CDH18: variants seen among roughly 807,000 people sequenced by gnomAD.
The protein encoded by CDH18 is cadherin 18, also known as cadherin-18.
Under a neutral mutation model 67.9 loss-of-function variants are expected in CDH18, and 31 were observed. That is an observed-to-expected ratio of 0.46 (90% CI 0.34 to 0.62). The LOEUF (loss-of-function observed/expected upper bound fraction) is 0.62, where lower values mean the gene tolerates loss of function less well. CDH18 is among the 20% of genes least tolerant of loss of function. CDH18 has a pLI of 0.01. For missense variants in CDH18, 890 were observed against 975.5 expected, an observed-to-expected ratio of 0.91 and a Z score of 1.17; for synonymous variants, 362 against 347.2, an observed-to-expected ratio of 1.04 and a Z score of -0.48.
At chr5:19,933,913 A>G (rs1372963275) in intron 2 of CDH18, among the ~76,000 whole-genome samples, 1 of 151,422 alleles carries the variant, frequency 6.6e-6, no homozygotes, top group Non-Finnish European at 1.5e-5. Context: ...TGACTTGCCA[A>G]TTTTATCTCT....
At chr5:20,265,019 T>C (rs774275501) in intron 1 of CDH18, among the ~76,000 whole-genome samples, 29 of 152,164 alleles carry the variant, frequency 1.9e-4, no homozygotes, top group Non-Finnish European at 3.5e-4. Flanking sequence ...ACGAGTGAGA[T>C]AACCTGAAGA....
intron 2 of CDH18, among the ~76,000 whole-genome samples, chr5:20,253,929 C>A (rs535214283): frequency 6.6e-6 from 1 of 152,062 alleles, no homozygotes; most frequent in South Asian, 2.1e-4. Flanking sequence ...ATGAAAATTC[C>A]CAGGGCACAT....
At chr5:20,202,910 A>C (rs1257834964) in intron 2 of CDH18, among the ~76,000 whole-genome samples, 1 of 152,140 alleles carries the variant, frequency 6.6e-6, no homozygotes, top group East Asian at 1.9e-4. Flanking sequence ...TCCCATTCAG[A>C]AGAAAACAAA....
chr5:19,753,894 A>G (rs1335459264), intron 3 of CDH18, among the ~76,000 whole-genome samples: 1 of 152,174 alleles, frequency 6.6e-6, no homozygotes, highest in Non-Finnish European at 1.5e-5. Context: ...CATATATGAA[A>G]GAAAGATACA....
chr5:20,403,675 T>C (rs575656556), intron 1 of CDH18, among the ~76,000 whole-genome samples: 1 of 152,174 alleles, frequency 6.6e-6, no homozygotes, highest in Non-Finnish European at 1.5e-5. Context: ...GTTTCTGTCA[T>C]CCAGGCTTTG....
chr5:19,590,503 TAGATAGAC>T (rs1275060500), intron 7 of CDH18, among the ~76,000 whole-genome samples: 1 of 151,882 alleles, frequency 6.6e-6, no homozygotes, highest in East Asian at 1.9e-4. Flanking sequence ...GATAGATAGA[TAGATAGAC>T]AGACAGACAG....
At chr5:20,014,525 G>A (rs1302094888) in intron 2 of CDH18, among the ~76,000 whole-genome samples, 2 of 152,096 alleles carry the variant, frequency 1.3e-5, no homozygotes, top group African/African-American at 4.8e-5. Flanking sequence ...CTGGATCTAA[G>A]TTTTCAGCTG....
chr5:19,761,897 T>C (rs889584845), intron 3 of CDH18, among the ~76,000 whole-genome samples: 4 of 152,060 alleles, frequency 2.6e-5, no homozygotes, highest in East Asian at 1.9e-4. Context: ...AACAGAGATA[T>C]AGACCAATGG....
At chr5:19,820,617 C>T (rs1468812768) in intron 3 of CDH18, among the ~76,000 whole-genome samples, 1 of 152,204 alleles carries the variant, frequency 6.6e-6, no homozygotes, top group Non-Finnish European at 1.5e-5. Flanking sequence ...CAAGTAGCCC[C>T]TGTGAGAGAG....
chr5:19,917,026 T>C (rs78923288), intron 2 of CDH18, among the ~76,000 whole-genome samples: 2,610 of 152,268 alleles, frequency 0.017, 49 homozygotes, highest in Middle Eastern at 0.061. Flanking sequence ...GTCCTTAAAT[T>C]ACTTCGAAAA....
intron 8 of CDH18, among the ~76,000 whole-genome samples, chr5:19,559,915 C>CA (rs754748614): frequency 0.031 from 4,031 of 131,178 alleles, 171 homozygotes; most frequent in African/African-American, 0.089. Flanking sequence ...ATAATAGTTG[C>CA]AAAAACAAAC....
At chr5:19,916,737 G>C (rs1791839901) in intron 2 of CDH18, among the ~76,000 whole-genome samples, 1 of 152,066 alleles carries the variant, frequency 6.6e-6, no homozygotes, top group East Asian at 1.9e-4. Context: ...TTTCTGTTAA[G>C]TTCTAGCAAT....
At position 19,783,303 on chromosome 5, in the gene CDH18, T is replaced by A. The variant is rs528447532; in HGVS notation, c.229-36067A>T. Among the ~76,000 whole-genome samples, 3 of 152,216 alleles carry A rather than the reference T, an allele frequency of 2.0e-5. No individual in the cohort carries two copies. The South Asian group carries it at 6.2e-4, about 32-fold the overall frequency. On this transcript the variant is annotated intron_variant, in intron 3 of 12. Transcript: ENST00000382275. ...TAATAAGGTACAATTAGATAAGAAG[T>A]CTCTTAACCTCTCTGAAATGGGTTC...
At chr5:20,209,586 G>A (rs537544109) in intron 2 of CDH18, among the ~76,000 whole-genome samples, 87 of 146,306 alleles carry the variant, frequency 5.9e-4, no homozygotes, top group Non-Finnish European at 8.7e-4. Context: ...ATGGTTATCA[G>A]AGTCTGGGAA....
At chr5:20,242,462 T>C (rs982620996) in intron 2 of CDH18, among the ~76,000 whole-genome samples, 2 of 151,134 alleles carry the variant, frequency 1.3e-5, no homozygotes, top group Non-Finnish European at 2.9e-5. Flanking sequence ...ATCAATGAGA[T>C]CATATGATAT....
At chr5:19,949,600 CT>C (rs1415068682) in intron 2 of CDH18, among the ~76,000 whole-genome samples, 8 of 152,078 alleles carry the variant, frequency 5.3e-5, no homozygotes, top group African/African-American at 1.9e-4. Context: ...ACAAGTACAT[CT>C]TTCTTTTCGT....
intron 1 of CDH18, among the ~76,000 whole-genome samples, chr5:20,450,925 G>A (rs1227820804): frequency 6.6e-6 from 1 of 152,194 alleles, no homozygotes; most frequent in African/African-American, 2.4e-5. Context: ...GCAGGCAAGA[G>A]AGCATGTGCA....
chr5:20,070,338 T>C (rs1743370821), intron 2 of CDH18, among the ~76,000 whole-genome samples: 1 of 152,336 alleles, frequency 6.6e-6, no homozygotes, highest in South Asian at 2.1e-4. Flanking sequence ...GTTAAATTTT[T>C]ATATTTGTGC....
intron 2 of CDH18, among the ~76,000 whole-genome samples, chr5:20,229,102 C>CA: frequency 6.6e-6 from 1 of 151,966 alleles, no homozygotes; most frequent in African/African-American, 2.4e-5. Flanking sequence ...AGGATGCTAG[C>CA]AAAAATAGGA....
Sources: gnomAD v4.1 joint callset for allele counts (sites outside exome capture counted in the v4.1 genomes callset) on GRCh38, gnomAD v4.1.1 for gene constraint, MANE v1.5 for transcripts, NCBI Gene and HGNC (gene_info 2026-07-23, HGNC 2026-07-21) for gene names.